The following TSNARE1 variants were observed in gnomAD, a reference collection of about 807,000 sequenced individuals.
TSNARE1 encodes the protein t-SNARE domain containing 1, also known as t-SNARE domain-containing protein 1.
In TSNARE1, 49 loss-of-function variants were observed where a neutral mutation model predicts 62.0. That is an observed-to-expected ratio of 0.79 (90% CI 0.63 to 1.00). TSNARE1 has a LOEUF of 1.00. TSNARE1 is among the 50% of genes least tolerant of loss of function. TSNARE1 has a pLI of 0.00. For synonymous variants in TSNARE1, 328 were observed against 294.4 expected (o/e 1.11, Z -1.17); for missense variants, 755 against 700.1 (o/e 1.08, Z -0.88).
At chr8:142,329,983 CT>C (rs1563925959) in intron 6 of TSNARE1, among the ~76,000 whole-genome samples, 1 of 152,250 alleles carries the variant, frequency 6.6e-6, no homozygotes, top group Admixed American at 6.5e-5. Context: ...ACCCTCCACC[CT>C]TGTGGGAGCC....
rs1287171387 is a variant in TSNARE1, at chr8:142,344,094, G to A, written c.617C>T (p.Ala206Val). 1.2e-6 allele frequency: 2 copies of A among 1,609,834 alleles called. No individual in the cohort carries two copies. Among genetic ancestry groups the A allele is most frequent in the Admixed American group, 3.3e-5 (2 of 59,832 alleles). Reference sequence around the variant, plus strand: ...GCCGGAACCAGGGCTGGGGCCATGGGCCGCCTTCCGGAGGTCGCCCAGCTT... The same window carrying A: ...GCCGGAACCAGGGCTGGGGCCATGGACCGCCTTCCGGAGGTCGCCCAGCTT... ...RRKLGDLRKA[A>V]HGPSPGSGKP... Residue 206 changes from alanine (A) to valine (V), a missense_variant, in exon 4 of 14, where the codon GCC (alanine) becomes GTC (valine). Physicochemically the swap from Ala to Val is moderately conservative, Grantham distance 64 (BLOSUM62 0). Transcript: ENST00000524325.
At chr8:142,363,031 G>A (rs1835276790) in intron 1 of TSNARE1, among the ~76,000 whole-genome samples, 2 of 152,226 alleles carry the variant, frequency 1.3e-5, no homozygotes, top group African/African-American at 4.8e-5. Context: ...AAGGGTTCCT[G>A]ACCCCCCAGA....
Position 142,332,600 on chromosome 8 carries a change from G to C in TSNARE1, c.746-769C>G, listed in dbSNP as rs185732917. ...TTTAAAAATCTACAGAACACTATGA[G>C]GACAGCAAGTCCTCATGAGGACATG... On this transcript the variant is annotated intron_variant, in intron 4 of 13. Coordinates refer to ENST00000524325, the MANE Select transcript of TSNARE1 (RefSeq NM_145003.5). Among the ~76,000 whole-genome samples, 3 of 152,254 alleles carry C rather than the reference G, an allele frequency of 2.0e-5. No individual in the cohort carries two copies. In the East Asian group the frequency reaches 5.8e-4, roughly 29 times the overall value.
intron 6 of TSNARE1, among the ~76,000 whole-genome samples, chr8:142,321,663 G>A (rs971326143): frequency 5.3e-5 from 8 of 151,990 alleles, no homozygotes; most frequent in African/African-American, 1.5e-4. Flanking sequence ...AGAACATTAC[G>A]GAAACACAAA....
At chr8:142,356,023 G>A (rs1349742046) in intron 1 of TSNARE1, among the ~76,000 whole-genome samples, 1 of 152,206 alleles carries the variant, frequency 6.6e-6, no homozygotes, top group East Asian at 1.9e-4. Flanking sequence ...TCAAACGGAG[G>A]CTTCTGAAAT....
chr8:142,254,030 A>G (rs2130309946), intron 12 of TSNARE1, among the ~76,000 whole-genome samples: 1 of 152,322 alleles, frequency 6.6e-6, no homozygotes, highest in Non-Finnish European at 1.5e-5. Context: ...TTCCACGCAG[A>G]GATATTCTTG....
At chr8:142,355,387 T>C (rs1264636626) in intron 1 of TSNARE1, among the ~76,000 whole-genome samples, 1 of 152,178 alleles carries the variant, frequency 6.6e-6, no homozygotes, top group Non-Finnish European at 1.5e-5. Flanking sequence ...CTTAGGGCTG[T>C]TGTGAGATGC....
At chr8:142,374,552 G>T (rs1445284307) in intron 1 of TSNARE1, among the ~76,000 whole-genome samples, 1 of 151,652 alleles carries the variant, frequency 6.6e-6, no homozygotes, top group African/African-American at 2.4e-5. Flanking sequence ...GATGGCGGGC[G>T]CCTGTAGTCC....
At chr8:142,354,234 GAGAGCCCCAGGGGC>G (rs1834499906) in intron 2 of TSNARE1, among the ~76,000 whole-genome samples, 1 of 152,098 alleles carries the variant, frequency 6.6e-6, no homozygotes, top group Non-Finnish European at 1.5e-5. Context: ...GATGAGGTTT[GAGAGCCCCAGGGGC>G]CTCAGCTTCC....
At chr8:142,244,868 T>A (rs1382155372) in intron 12 of TSNARE1, among the ~76,000 whole-genome samples, 1 of 152,250 alleles carries the variant, frequency 6.6e-6, no homozygotes, top group Non-Finnish European at 1.5e-5. Flanking sequence ...TTCCTGCACC[T>A]GCAGCGGAAG....
At chr8:142,396,617 C>T (rs1177501551) in intron 1 of TSNARE1, among the ~76,000 whole-genome samples, 1 of 152,232 alleles carries the variant, frequency 6.6e-6, no homozygotes, top group East Asian at 1.9e-4. Context: ...CCCTGGAGAG[C>T]AGCAGGGCAG....
chr8:142,390,647 A>G lies in TSNARE1; in HGVS notation c.-40+12457T>C, dbSNP rs1253151814. Among the ~76,000 whole-genome samples, 7 of 11,766 alleles carry G rather than the reference A, an allele frequency of 5.9e-4. 1 individual carries two copies. The highest frequency in any genetic ancestry group is 2.0e-3 in the African/African-American group (2 of 1,020). 7.7% of individuals were successfully genotyped at this position (11,766 alleles called of 152,430 possible). A position where few individuals can be genotyped will look rare whatever the true frequency, so the allele number is the denominator to read the frequency against. ...GCTGTACACTGCGGGGGACTCTGTA[A>G]CAGAAGCTGTACACTGCGGGGGACT... On this transcript the variant is annotated intron_variant, in intron 1 of 13. Transcript: ENST00000524325.
intron 11 of TSNARE1, among the ~76,000 whole-genome samples, chr8:142,282,563 CTG>C (rs1323779004): frequency 7.3e-5 from 11 of 150,940 alleles, no homozygotes; most frequent in Admixed American, 7.2e-4. Flanking sequence ...GGACCAGTGT[CTG>C]TCAATGAGCG....
At chr8:142,217,755 C>T (rs574485735) in intron 13 of TSNARE1, among the ~76,000 whole-genome samples, 1 of 151,802 alleles carries the variant, frequency 6.6e-6, no homozygotes, top group African/African-American at 2.4e-5. Flanking sequence ...AGTGTGTGAC[C>T]AGGATCAGAG....
rs1823818902 is a variant in TSNARE1, at chr8:142,291,880, G to A, written c.1291-7395C>T. Among the ~76,000 whole-genome samples the A allele has an allele frequency of 1.3e-5, 2 of 152,104 alleles. No individual in the cohort carries two copies. Among genetic ancestry groups the A allele is most frequent in the East Asian group, 1.9e-4 (1 of 5,160 alleles). Reference sequence around the variant, plus strand: ...GCCTGCCCAGGGAACTGTGAGGTGTGGGGTGAGGAATGAGGGAGAGGACAG... The same window carrying A: ...GCCTGCCCAGGGAACTGTGAGGTGTAGGGTGAGGAATGAGGGAGAGGACAG... On this transcript the variant is annotated intron_variant, in intron 10 of 13. Transcript: ENST00000524325. This position sits in a 1 kb window ranked among gnomAD's most constrained non-coding sequence, Gnocchi z 4.8.
At chr8:142,238,757 A>ACCCCTGCACGCCTG (rs1817556598) in intron 12 of TSNARE1, among the ~76,000 whole-genome samples, 1 of 82,862 alleles carries the variant, frequency 1.2e-5, no homozygotes, top group African/African-American at 4.8e-5. Context: ...CTGCACGCCC[A>ACCCCTGCACGCCTG]CCCCTGCACG....
chr8:142,212,749 C>T (rs1017586733), intron 13 of TSNARE1, among the ~76,000 whole-genome samples: 4 of 151,610 alleles, frequency 2.6e-5, no homozygotes, highest in African/African-American at 7.3e-5. Flanking sequence ...GCCCACGAGA[C>T]GACCCTACCT....
chr8:142,396,631 C>T (rs1389473708), intron 1 of TSNARE1, among the ~76,000 whole-genome samples: 2 of 152,220 alleles, frequency 1.3e-5, no homozygotes, highest in Admixed American at 6.5e-5. Flanking sequence ...AGGGCAGGAT[C>T]GCCAGGTGGG....
intron 6 of TSNARE1, among the ~76,000 whole-genome samples, chr8:142,326,613 G>A (rs562591161): frequency 2.1e-5 from 3 of 143,492 alleles, no homozygotes; most frequent in Admixed American, 1.4e-4. Context: ...CAGCGAAGGG[G>A]AGGGGCCCCG....
Sources: allele counts gnomAD v4.1 joint callset (sites outside exome capture counted in the v4.1 genomes callset), GRCh38; gene constraint gnomAD v4.1.1; non-coding constraint Gnocchi (gnomAD v3.1); transcripts MANE v1.5; gene names NCBI Gene and HGNC (gene_info 2026-07-23, HGNC 2026-07-21).